INKA2: variants seen among roughly 807,000 people sequenced by gnomAD.
The protein encoded by INKA2 is inka box actin regulator 2.
Under a neutral mutation model 9.8 loss-of-function variants are expected in INKA2, and 3 were observed. The ratio of observed to expected loss-of-function variants is 0.31; its 90% confidence interval spans 0.14 to 0.79. The LOEUF (loss-of-function observed/expected upper bound fraction) is 0.79. Ranked by LOEUF, INKA2 falls within the 30% of genes least tolerant of loss-of-function variation. INKA2 has a pLI of 0.62. For missense variants in INKA2, 392 were observed against 384.4 expected, an observed-to-expected ratio of 1.02 and a Z score of -0.17; for synonymous variants, 147 against 143.3, an observed-to-expected ratio of 1.03 and a Z score of -0.18.
At chr1:111,738,772 G>T (rs1219896494) in intron 1 of INKA2, among the ~76,000 whole-genome samples, 2 of 152,126 alleles carry the variant, frequency 1.3e-5, no homozygotes, top group Non-Finnish European at 2.9e-5. Context: ...GCTCCAGGTC[G>T]CCCCGCGCAG....
At position 111,739,340 on chromosome 1, in the gene INKA2, C is replaced by G; in HGVS notation, c.-98G>C. 1 of 1,570,038 alleles carries G rather than the reference C, an allele frequency of 6.4e-7. No homozygotes were observed. Among genetic ancestry groups the G allele is most frequent in the East Asian group, 2.4e-5 (1 of 41,962 alleles). Reference sequence around the variant, plus strand: ...CCGGGCCGGCTCCCCGCCCCTGCGCCCGTAGCGCTCGCAGCGCGGAGCTGA... The same window carrying G: ...CCGGGCCGGCTCCCCGCCCCTGCGCGCGTAGCGCTCGCAGCGCGGAGCTGA... On this transcript the variant is annotated 5_prime_UTR_variant, in exon 1 of 2. Coordinates refer to ENST00000357260, the MANE Select transcript of INKA2 (RefSeq NM_019099.5).
In INKA2 at chr1:111,726,210, C is replaced by A; in HGVS notation, c.*758G>T. On this transcript the variant is annotated 3_prime_UTR_variant, in exon 2 of 2. Coordinates refer to ENST00000357260, the MANE Select transcript of INKA2 (RefSeq NM_019099.5). ...TGGGATCATGCCTGCCTGCCTCGCT[C>A]ACTTTCAAATGAGACCATGGAGATG... The A allele has an allele frequency of 2.5e-6, 1 of 395,742 alleles. No homozygotes were observed. Among genetic ancestry groups the A allele is most frequent in the South Asian group, 1.3e-4 (1 of 7,580 alleles). 24.5% of individuals were successfully genotyped at this position (395,742 alleles called of 1,614,324 possible). A position where few individuals can be genotyped will look rare whatever the true frequency, so the allele number is the denominator to read the frequency against.
chr1:111,748,564 C>T (rs1256107947), intron 1 of INKA2, among the ~76,000 whole-genome samples: 1 of 152,184 alleles, frequency 6.6e-6, no homozygotes, highest in Non-Finnish European at 1.5e-5. Context: ...CATCTCACAT[C>T]CATAAATCTC....
At position 111,723,111 on chromosome 1, in the gene INKA2, C is replaced by G; in HGVS notation, c.*3857G>C. On this transcript the variant is annotated 3_prime_UTR_variant, in exon 2 of 2. Coordinates refer to ENST00000357260, the MANE Select transcript of INKA2 (RefSeq NM_019099.5). ...TGCTGGCAGAAGTGCCTTAACTGCA[C>G]CGGATGGGGAAGGCACCTGAGGTGG... is the stretch of plus-strand genomic sequence containing the variant. 1 of 700,466 alleles carries G rather than the reference C, an allele frequency of 1.4e-6. No individual in the cohort carries two copies. The highest frequency in any genetic ancestry group is 2.6e-6 in the Non-Finnish European group (1 of 383,902). 43.4% of individuals were successfully genotyped at this position (700,466 alleles called of 1,614,324 possible). A position where few individuals can be genotyped will look rare whatever the true frequency, so the allele number is the denominator to read the frequency against.
chr1:111,724,848 T>C lies in INKA2; in HGVS notation c.*2120A>G, dbSNP rs1662732332. 1 of 152,212 alleles carries C rather than the reference T, an allele frequency of 6.6e-6. No individual in the cohort carries two copies. The highest frequency in any genetic ancestry group is 2.4e-5 in the African/African-American group (1 of 41,452). The allele number at this position is 152,212 out of a possible 1,614,324, so 9.4% of individuals were successfully genotyped here. A position where few individuals can be genotyped will look rare whatever the true frequency, so the allele number is the denominator to read the frequency against. ...TCTGTTCAAATCTCTGTCCTTTCCT[T>C]TGCTAGCAGCCTAATCGGGGCAGTT... On this transcript the variant is annotated 3_prime_UTR_variant, in exon 2 of 2. Transcript: ENST00000357260.
chr1:111,722,929 G>A lies in INKA2; in HGVS notation c.*4039C>T, dbSNP rs1662679415. The A allele has an allele frequency of 4.9e-6, 3 of 611,956 alleles. No homozygotes were observed. In the South Asian group the frequency reaches 5.6e-5, roughly 12 times the overall value. The allele number at this position is 611,956 out of a possible 1,614,324, so 37.9% of individuals were successfully genotyped here. On this transcript the variant is annotated 3_prime_UTR_variant, in exon 2 of 2. Coordinates refer to ENST00000357260, the MANE Select transcript of INKA2 (RefSeq NM_019099.5). ...ATTCCAGGCAGTGCTTGGACCGTAG[G>A]TGCATTATGTCCTTTAAATCTCACA...
At chr1:111,743,029 GCTTTTT>G (rs1663181524), upstream of INKA2, among the ~76,000 whole-genome samples, 4 of 152,178 alleles carry the variant, frequency 2.6e-5, no homozygotes, top group Admixed American at 2.6e-4. Flanking sequence ...GCTGCCTTCT[GCTTTTT>G]CTTTTTAAAA....
chr1:111,732,312 G>A (rs951770212), intron 1 of INKA2, among the ~76,000 whole-genome samples: 1 of 152,186 alleles, frequency 6.6e-6, no homozygotes, highest in Non-Finnish European at 1.5e-5. Flanking sequence ...GGCAGTAAGG[G>A]AGGTAGAGGA....
At position 111,723,274 on chromosome 1, in the gene INKA2, G is replaced by A; in HGVS notation, c.*3694C>T. On this transcript the variant is annotated 3_prime_UTR_variant, in exon 2 of 2. Transcript: ENST00000357260. ...GCCCTAGGGAGGAGATGGGGATGTG[G>A]AGAGGACAGAGCAACCTTCTTTGGG... 2 of 567,900 alleles carry A rather than the reference G, an allele frequency of 3.5e-6. No individual in the cohort carries two copies. Among genetic ancestry groups the A allele is most frequent in the Non-Finnish European group, 6.2e-6 (2 of 321,074 alleles). 35.2% of individuals were successfully genotyped at this position (567,900 alleles called of 1,614,324 possible). A position where few individuals can be genotyped will look rare whatever the true frequency, so the allele number is the denominator to read the frequency against.
upstream of INKA2, among the ~76,000 whole-genome samples, chr1:111,744,065 A>T (rs1663206763): frequency 6.6e-6 from 1 of 152,156 alleles, no homozygotes; most frequent in Non-Finnish European, 1.5e-5. Context: ...TAGGGGAGGA[A>T]CTGGACTGAG....
chr1:111,747,962 T>C (rs1278187493), intron 1 of INKA2, among the ~76,000 whole-genome samples: 1 of 152,200 alleles, frequency 6.6e-6, no homozygotes, highest in Non-Finnish European at 1.5e-5. Flanking sequence ...GTTATCCTTC[T>C]ACTATTGCTG....
intron 1 of INKA2, 54 bp downstream of exon 1, chr1:111,739,132 G>T: frequency 6.4e-7 from 1 of 1,561,294 alleles, no homozygotes; most frequent in South Asian, 1.1e-5. Flanking sequence ...CGGAGACCAG[G>T]TGCCCGTCGG....
chr1:111,729,606 C>T lies in INKA2; in HGVS notation c.58-1802G>A, dbSNP rs920779938. Among the ~76,000 whole-genome samples the T allele has an allele frequency of 2.6e-5, 4 of 152,340 alleles. No homozygotes were observed. The South Asian group carries it at 6.2e-4, about 24-fold the overall frequency. ...GGTCCTGCCAGCTCCCTCCCCAGCT[C>T]CTGATCAAGTTACCAACAGCAAACC... is the stretch of plus-strand genomic sequence containing the variant. On this transcript the variant is annotated intron_variant, in intron 1 of 1. Coordinates refer to ENST00000357260, the MANE Select transcript of INKA2 (RefSeq NM_019099.5).
At chr1:111,753,069 C>T (rs1448812221) in intron 1 of INKA2, 1 of 151,992 alleles carries the variant, frequency 6.6e-6, no homozygotes, top group African/African-American at 2.4e-5. Context: ...AATCTTAACA[C>T]CCATTCTGAG....
intron 1 of INKA2, chr1:111,746,532 T>C (rs1663277934): frequency 6.6e-6 from 1 of 152,222 alleles, no homozygotes; most frequent in Non-Finnish European, 1.5e-5. Flanking sequence ...CTGGAGGGTT[T>C]TGGAAATAAC....
chr1:111,734,951 A>C lies in INKA2; in HGVS notation c.57+4235T>G, dbSNP rs563197771. Among the ~76,000 whole-genome samples, 4 of 152,360 alleles carry C rather than the reference A, an allele frequency of 2.6e-5. No homozygotes were observed. In the East Asian group the frequency reaches 7.7e-4, roughly 29 times the overall value. On this transcript the variant is annotated intron_variant, in intron 1 of 1. Transcript: ENST00000357260. ...ACTGGTTGAGAACATAAGCTCTGCA[A>C]TCAGACTGGCGGGGTTTGAATCCTG...
chr1:111,729,712 C>A (rs1662863245), intron 1 of INKA2, among the ~76,000 whole-genome samples: 1 of 152,234 alleles, frequency 6.6e-6, no homozygotes, highest in Non-Finnish European at 1.5e-5. Context: ...TCTTAATGCA[C>A]AGGGCTAAAC....
Position 111,725,040 on chromosome 1 carries a change from A to G in INKA2, c.*1928T>C, listed in dbSNP as rs530023064. On this transcript the variant is annotated 3_prime_UTR_variant, in exon 2 of 2. Transcript: ENST00000357260. ...CCTGCAGCTCCCCCACCAAAAATGA[A>G]ACATCTTACCATTTGACTGGGTAGG... The G allele has an allele frequency of 6.6e-6, 1 of 152,300 alleles. No homozygotes were observed. The highest frequency in any genetic ancestry group is 2.1e-4 in the South Asian group (1 of 4,812). 9.4% of individuals were successfully genotyped at this position (152,300 alleles called of 1,614,324 possible).
intron 1 of INKA2, among the ~76,000 whole-genome samples, chr1:111,730,528 C>T (rs1435925468): frequency 6.6e-6 from 1 of 152,222 alleles, no homozygotes; most frequent in East Asian, 1.9e-4. Context: ...CCGTGGCTCT[C>T]CAATGCCCAG....
Sources: gnomAD v4.1 joint callset for allele counts (sites outside exome capture counted in the v4.1 genomes callset) on GRCh38, gnomAD v4.1.1 for gene constraint, MANE v1.5 for transcripts, NCBI Gene and HGNC (gene_info 2026-07-23, HGNC 2026-07-21) for gene names.